The following NPAS3 variants were observed in gnomAD, a reference collection of about 807,000 sequenced individuals.
NPAS3 encodes neuronal PAS domain-containing protein 3.
In NPAS3, 14 loss-of-function variants were observed where a neutral mutation model predicts 73.1. The ratio of observed to expected loss-of-function variants is 0.19; its 90% CI spans 0.13 to 0.30. The LOEUF (loss-of-function observed/expected upper bound fraction) is 0.30, where lower values mean the gene tolerates loss of function less well. Ranked by LOEUF, NPAS3 falls within the 10% of genes least tolerant of loss-of-function variation. NPAS3 has a pLI of 1.00. For missense variants in NPAS3, 1,096 were observed against 1,250.0 expected (o/e 0.88, Z 1.86); for synonymous variants, 620 against 541.5 (o/e 1.14, Z -2.01).
intron 6 of NPAS3, among the ~76,000 whole-genome samples, chr14:33,705,495 C>G (rs2060632380): frequency 6.6e-6 from 1 of 152,188 alleles, no homozygotes; most frequent in Non-Finnish European, 1.5e-5. Flanking sequence ...GCGAAATCGG[C>G]TACTGTATTT....
chr14:33,787,474 A>T (rs941437935), intron 9 of NPAS3, among the ~76,000 whole-genome samples: 1 of 152,142 alleles, frequency 6.6e-6, no homozygotes, highest in African/African-American at 2.4e-5. Flanking sequence ...TTAGGGGGGA[A>T]AATCCATCGA....
chr14:33,418,030 T>C (rs929655694), intron 4 of NPAS3, among the ~76,000 whole-genome samples: 8 of 143,762 alleles, frequency 5.6e-5, no homozygotes, highest in African/African-American at 2.2e-4. Context: ...TAAAAGATAA[T>C]GAACAAAAGC....
chr14:33,086,439 T>G (rs764375879), intron 2 of NPAS3, among the ~76,000 whole-genome samples: 1 of 152,120 alleles, frequency 6.6e-6, no homozygotes, highest in Non-Finnish European at 1.5e-5. Flanking sequence ...GACCCCTTGT[T>G]TTTTAAAAAA....
intron 3 of NPAS3, among the ~76,000 whole-genome samples, chr14:33,273,858 CAA>C (rs1566747054): frequency 3.9e-5 from 6 of 152,172 alleles, no homozygotes; most frequent in African/African-American, 1.2e-4. Context: ...GAATGTCCAA[CAA>C]AAAAACTTTC....
chr14:33,537,138 A>G lies in NPAS3; in HGVS notation c.469-22983A>G, dbSNP rs77168965. Among the ~76,000 whole-genome samples, 1,021 of 152,298 alleles carry G rather than the reference A, an allele frequency of 6.7e-3. 59 individuals carry two copies. The South Asian group carries it at 0.11, about 17-fold the overall frequency. ...GTATATCTTCCCCCTCCATGTAGAC[A>G]ATGTTCCTGGAAGGAAAATTTAATC... On this transcript the variant is annotated intron_variant, in intron 4 of 11. Coordinates refer to ENST00000356141, the Ensembl canonical transcript of NPAS3.
At chr14:33,166,647 A>G (rs977228174) in intron 2 of NPAS3, among the ~76,000 whole-genome samples, 1 of 152,224 alleles carries the variant, frequency 6.6e-6, no homozygotes, top group African/African-American at 2.4e-5. Flanking sequence ...TACATTTAAT[A>G]TAAGGCCCCT....
chr14:33,322,344 G>T (rs747512723), intron 3 of NPAS3, among the ~76,000 whole-genome samples: 42 of 152,110 alleles, frequency 2.8e-4, no homozygotes, highest in Non-Finnish European at 5.0e-4. Context: ...ATTGTAGAAG[G>T]TTTAATTGTA....
chr14:33,040,743 C>G (rs2040323226), intron 1 of NPAS3, among the ~76,000 whole-genome samples: 1 of 152,178 alleles, frequency 6.6e-6, no homozygotes, highest in South Asian at 2.1e-4. Context: ...AGTCTTCTAA[C>G]CTGTCACTTT....
At chr14:33,291,991 C>T (rs571088818) in intron 3 of NPAS3, among the ~76,000 whole-genome samples, 8 of 152,168 alleles carry the variant, frequency 5.3e-5, no homozygotes, top group Non-Finnish European at 7.4e-5. Context: ...AGCATTTTGC[C>T]GGTCTAATTT....
At chr14:33,499,799 A>G (rs1046423677) in intron 4 of NPAS3, among the ~76,000 whole-genome samples, 5 of 151,924 alleles carry the variant, frequency 3.3e-5, no homozygotes, top group Non-Finnish European at 4.4e-5. Flanking sequence ...CTCCTGTTGT[A>G]TGGATGCTTT....
chr14:33,478,800 G>A (rs1042340059), intron 4 of NPAS3, among the ~76,000 whole-genome samples: 2 of 152,184 alleles, frequency 1.3e-5, no homozygotes, highest in African/African-American at 2.4e-5. Context: ...CATTATACTT[G>A]TGTTATCTTC....
chr14:32,993,409 G>A (rs183708506), intron 1 of NPAS3, among the ~76,000 whole-genome samples: 10 of 152,264 alleles, frequency 6.6e-5, no homozygotes, highest in African/African-American at 1.4e-4. Context: ...TAAGAGGTGA[G>A]ACATTCGAGA....
intron 7 of NPAS3, among the ~76,000 whole-genome samples, chr14:33,769,940 T>G (rs2062599072): frequency 6.6e-6 from 1 of 151,848 alleles, no homozygotes; most frequent in African/African-American, 2.4e-5. Context: ...ATTTTTTCAT[T>G]TTTTGTAGAG....
chr14:33,374,704 C>A (rs58682578), intron 4 of NPAS3, among the ~76,000 whole-genome samples: 3 of 49,452 alleles, frequency 6.1e-5, no homozygotes, highest in African/African-American at 8.5e-5. Flanking sequence ...TGTGTCGGGG[C>A]GGGGGGGGGA....
intron 2 of NPAS3, among the ~76,000 whole-genome samples, chr14:33,110,043 G>A (rs922896894): frequency 2.6e-5 from 4 of 151,640 alleles, no homozygotes; most frequent in East Asian, 3.9e-4. Flanking sequence ...CTGTGTCCTG[G>A]CCGAGAGCTC....
intron 4 of NPAS3, among the ~76,000 whole-genome samples, chr14:33,491,519 A>G (rs950420815): frequency 1.3e-5 from 2 of 152,154 alleles, no homozygotes; most frequent in African/African-American, 4.8e-5. Flanking sequence ...GGCTCATGCA[A>G]CTGAGGAGCT....
intron 3 of NPAS3, among the ~76,000 whole-genome samples, chr14:33,305,158 TAG>T (rs547941565): frequency 4.0e-5 from 6 of 151,020 alleles, no homozygotes; most frequent in Admixed American, 1.3e-4. Flanking sequence ...ATGGATGAAG[TAG>T]AGAGAGAGAG....
intron 4 of NPAS3, among the ~76,000 whole-genome samples, chr14:33,506,271 G>A (rs1005884801): frequency 6.6e-6 from 1 of 152,004 alleles, no homozygotes; most frequent in African/African-American, 2.4e-5. Context: ...CTGGCATATA[G>A]TAAGTGCTCA....
At chr14:33,579,225 C>A (rs1169504447) in intron 5 of NPAS3, among the ~76,000 whole-genome samples, 1 of 152,198 alleles carries the variant, frequency 6.6e-6, no homozygotes, top group Non-Finnish European at 1.5e-5. Flanking sequence ...AAAATGAATT[C>A]TAGGGTATGT....
Sources: allele counts gnomAD v4.1 joint callset (sites outside exome capture counted in the v4.1 genomes callset), GRCh38; gene constraint gnomAD v4.1.1; transcripts MANE v1.5; gene names NCBI Gene and HGNC (gene_info 2026-07-23, HGNC 2026-07-21).